The following QRFPR variants were observed in gnomAD, a reference collection of about 807,000 sequenced individuals.
QRFPR encodes the protein pyroglutamylated RFamide peptide receptor, also known as pyroglutamylated RF-amide peptide receptor.
QRFPR carries 37 observed loss-of-function variants against 31.3 expected under a neutral mutation model. The observed-to-expected ratio is 1.18, with a 90% CI of 0.91 to 1.56. The LOEUF is 1.56. Among genes scored for constraint, QRFPR ranks in the 40% most tolerant of loss-of-function variants. The pLI is 0.00. For synonymous variants in QRFPR, 197 were observed against 192.0 expected (o/e 1.03, Z -0.22); for missense variants, 542 against 532.5 (o/e 1.02, Z -0.18).
At chr4:121,376,999 ACAGT>A (rs1217027195) in intron 1 of QRFPR, among the ~76,000 whole-genome samples, 41 of 152,332 alleles carry the variant, frequency 2.7e-4, no homozygotes, top group African/African-American at 9.6e-4. Context: ...GAAGAATAAA[ACAGT>A]CATTCACAGT....
intron 1 of QRFPR, chr4:121,370,021 A>C: frequency 1.3e-6 from 1 of 771,464 alleles, no homozygotes; most frequent in Non-Finnish European, 2.4e-6. Context: ...TTTTGTGATC[A>C]CATAATTCAT....
intron 1 of QRFPR, among the ~76,000 whole-genome samples, chr4:121,375,376 T>C (rs1179714100): frequency 6.6e-6 from 1 of 152,180 alleles, no homozygotes; most frequent in South Asian, 2.1e-4. Context: ...TTTGAATGCT[T>C]CCTCCCCCTT....
chr4:121,341,962 T>C (rs1725551139), intron 1 of QRFPR, among the ~76,000 whole-genome samples: 1 of 152,186 alleles, frequency 6.6e-6, no homozygotes, highest in African/African-American at 2.4e-5. Flanking sequence ...GTTAACTCTA[T>C]GTGTCCAGTG....
Position 121,332,905 on chromosome 4 carries a change from C to T in QRFPR, c.713G>A (p.Gly238Asp). The change falls in exon 4 of 6, where the codon GGT becomes GAT. Residue 238 changes from glycine (G) to aspartate (D), a missense_variant. Physicochemically the swap from Gly to Asp is moderately conservative, Grantham distance 94. Transcript: ENST00000394427. ...TCTTTTCTTTATCCAAAGTTCATAA[C>T]CAATTTTACTGTACAGAATAAGCAT... ...MVMLILYSKIGYELWIKKRVG... is the reference protein window; with the variant it reads ...MVMLILYSKIDYELWIKKRVG... 2 of 1,614,110 alleles carry T rather than the reference C, an allele frequency of 1.2e-6. No individual in the cohort carries two copies. The highest frequency in any genetic ancestry group is 8.5e-7 in the Non-Finnish European group (1 of 1,180,004).
At position 121,380,785 on chromosome 4, in the gene QRFPR, T is replaced by TCTAGG. The variant is rs1264712233; in HGVS notation, c.-143_-139dup. On this transcript the variant is annotated 5_prime_UTR_variant, in exon 1 of 6. Transcript: ENST00000394427. ...TCTGGAGTCAGCCGCGCGGGAGGGC[T>TCTAGG]CTAGGCTGCACCCCGGGAGGTTCGG... The TCTAGG allele has an allele frequency of 4.0e-6, 3 of 741,394 alleles. No individual in the cohort carries two copies. The African/African-American group carries it at 5.3e-5, about 13-fold the overall frequency. The allele number at this position is 741,394 out of a possible 1,614,324, so 45.9% of individuals were successfully genotyped here.
rs528493945 is a variant in QRFPR, at chr4:121,374,179, ACT to A, written c.340+6127_340+6128del. 4.6e-3 allele frequency among the ~76,000 whole-genome samples: 693 copies of A among 152,262 alleles called. 3 individuals are homozygous for A. Among genetic ancestry groups the A allele is most frequent in the African/African-American group, 0.016 (657 of 41,550 alleles). On this transcript the variant is annotated intron_variant, in intron 1 of 5. Transcript: ENST00000394427. ...ATCCTTTCCAAATTCATCTTGAAAG[ACT>A]CTAAAAACGTTAAGGGCTTTAGTAA...
intron 3 of QRFPR, 86 bp downstream of exon 3, chr4:121,336,721 G>T: frequency 9.4e-7 from 1 of 1,063,092 alleles, no homozygotes; most frequent in Non-Finnish European, 1.5e-6. Context: ...TTGCTGTATT[G>T]CTCCTGCAGG....
At chr4:121,335,960 T>A (rs928065399) in intron 3 of QRFPR, among the ~76,000 whole-genome samples, 1 of 152,058 alleles carries the variant, frequency 6.6e-6, no homozygotes, top group East Asian at 1.9e-4. Flanking sequence ...ACCTATGGAG[T>A]CCAGCTCATT....
intron 1 of QRFPR, among the ~76,000 whole-genome samples, chr4:121,348,992 G>C (rs1725714451): frequency 1.3e-5 from 2 of 152,146 alleles, no homozygotes. Context: ...AGCTACTCGG[G>C]AGGCTGAGGC....
intron 1 of QRFPR, among the ~76,000 whole-genome samples, chr4:121,373,579 A>G (rs1726294586): frequency 6.6e-6 from 1 of 152,200 alleles, no homozygotes; most frequent in Non-Finnish European, 1.5e-5. Context: ...TTTTACACCA[A>G]TCTTACCATA....
intron 1 of QRFPR, among the ~76,000 whole-genome samples, chr4:121,351,716 C>G (rs1725763183): frequency 6.6e-6 from 1 of 151,862 alleles, no homozygotes; most frequent in Non-Finnish European, 1.5e-5. Flanking sequence ...TGATGGTAAT[C>G]AGGCAACAAA....
At chr4:121,369,669 C>T (rs1240889110) in intron 1 of QRFPR, 3 of 1,582,156 alleles carry the variant, frequency 1.9e-6, no homozygotes, top group Non-Finnish European at 2.6e-6. Context: ...GATCTCAGTC[C>T]AAAGAGGCCC....
chr4:121,340,081 C>A (rs192583454), intron 2 of QRFPR: 113 of 171,952 alleles, frequency 6.6e-4, no homozygotes, highest in African/African-American at 2.9e-3. Flanking sequence ...TGAGACCAGC[C>A]TGGGCAATGT....
At chr4:121,378,703 G>T (rs571867884) in intron 1 of QRFPR, among the ~76,000 whole-genome samples, 1 of 152,060 alleles carries the variant, frequency 6.6e-6, no homozygotes, top group Non-Finnish European at 1.5e-5. Flanking sequence ...GATTACAGGC[G>T]TGAGCCACCA....
chr4:121,377,092 C>A (rs1726369348), intron 1 of QRFPR, among the ~76,000 whole-genome samples: 1 of 152,290 alleles, frequency 6.6e-6, no homozygotes, highest in Admixed American at 6.5e-5. Context: ...TATTTCTGAC[C>A]AAGCCATAGA....
At chr4:121,335,455 A>T (rs760341844) in intron 3 of QRFPR, among the ~76,000 whole-genome samples, 1 of 151,834 alleles carries the variant, frequency 6.6e-6, no homozygotes, top group South Asian at 2.1e-4. Flanking sequence ...TGAAGCAAAC[A>T]ATCAGTCACA....
chr4:121,378,261 A>G (rs919694991), intron 1 of QRFPR, among the ~76,000 whole-genome samples: 1 of 152,202 alleles, frequency 6.6e-6, no homozygotes, highest in Admixed American at 6.5e-5. Context: ...AATGTTCTCC[A>G]TGAAGTAAGA....
chr4:121,340,893 T>C (rs1725531115), intron 1 of QRFPR, among the ~76,000 whole-genome samples: 1 of 152,234 alleles, frequency 6.6e-6, no homozygotes, highest in African/African-American at 2.4e-5. Context: ...AAAAGCAATA[T>C]GACTTTTGCT....
At chr4:121,342,517 G>T (rs1725561785) in intron 1 of QRFPR, among the ~76,000 whole-genome samples, 1 of 152,120 alleles carries the variant, frequency 6.6e-6, no homozygotes. Flanking sequence ...AACTGAGCCT[G>T]TCCCATTCCC....
Sources: gnomAD v4.1 joint callset for allele counts (sites outside exome capture counted in the v4.1 genomes callset) on GRCh38, gnomAD v4.1.1 for gene constraint, MANE v1.5 for transcripts, NCBI Gene and HGNC (gene_info 2026-07-23, HGNC 2026-07-21) for gene names.